Variants in KCNK2 observed in about 807,000 individuals in gnomAD.
The protein encoded by KCNK2 is potassium channel subfamily K member 2.
A neutral mutation model predicts 40.5 loss-of-function variants in KCNK2; 21 were observed. The ratio of observed to expected loss-of-function variants is 0.52; its 90% CI spans 0.37 to 0.75. The LOEUF is 0.75. Ranked by LOEUF, KCNK2 falls within the 30% of genes least tolerant of loss-of-function variation. KCNK2 has a pLI of 0.00. For synonymous variants in KCNK2, 191 were observed against 202.2 expected (o/e 0.94, Z 0.47); for missense variants, 399 against 531.6 (o/e 0.75, Z 2.45).
chr1:215,125,734 T>TAATA lies in KCNK2; in HGVS notation c.475+989_475+992dup, dbSNP rs1163576635. ...CACATGTACCCTAGAACTTGAAGTA[T>TAATA]AATAAATATATATATATATATATAT... On this transcript the variant is annotated intron_variant, in intron 3 of 6. Transcript: ENST00000444842. Among the ~76,000 whole-genome samples, 4 of 123,962 alleles carry TAATA rather than the reference T, an allele frequency of 3.2e-5. No individual in the cohort carries two copies. In the South Asian group the frequency reaches 1.2e-3, roughly 36 times the overall value. The allele number at this position is 123,962 out of a possible 152,430, so 81.3% of individuals were successfully genotyped here. A position where few individuals can be genotyped will look rare whatever the true frequency, so the allele number is the denominator to read the frequency against.
intron 6 of KCNK2, among the ~76,000 whole-genome samples, chr1:215,215,096 T>C (rs1665902320): frequency 6.6e-6 from 1 of 152,172 alleles, no homozygotes; most frequent in Admixed American, 6.5e-5. Flanking sequence ...AGAAACTTTG[T>C]TATGAACCTT....
intron 6 of KCNK2, among the ~76,000 whole-genome samples, chr1:215,204,037 C>CAAAAAAAAA (rs71167813): frequency 1.3e-4 from 7 of 53,186 alleles, no homozygotes; most frequent in Admixed American, 6.9e-4. Flanking sequence ...GACTCCGTCT[C>CAAAAAAAAA]AAAAAAAAAA....
intron 2 of KCNK2, among the ~76,000 whole-genome samples, chr1:215,108,740 A>G (rs957863186): frequency 6.8e-6 from 1 of 146,966 alleles, no homozygotes; most frequent in Non-Finnish European, 1.5e-5. Context: ...AACAGTCACT[A>G]ACAGAGGTCT....
intron 3 of KCNK2, among the ~76,000 whole-genome samples, chr1:215,133,366 T>C (rs1661758078): frequency 6.6e-6 from 1 of 152,188 alleles, no homozygotes; most frequent in East Asian, 1.9e-4. Context: ...ACCTATTTTT[T>C]CTTGTCATTC....
At chr1:215,179,750 TA>T (rs1664148129) in intron 5 of KCNK2, among the ~76,000 whole-genome samples, 1 of 152,164 alleles carries the variant, frequency 6.6e-6, no homozygotes, top group South Asian at 2.1e-4. Context: ...TTAATTTTTT[TA>T]AATTTATTGA....
chr1:215,225,141 T>C (rs1224898603), intron 6 of KCNK2, among the ~76,000 whole-genome samples: 3 of 152,182 alleles, frequency 2.0e-5, no homozygotes, highest in African/African-American at 7.2e-5. Context: ...CAACAGGTAA[T>C]TGCTAAAATC....
rs147595385 is a variant in KCNK2 at position 215,041,932 on chromosome 1, C to T, written c.34+35977C>T. Among the ~76,000 whole-genome samples the T allele has an allele frequency of 3.5e-3, 537 of 152,248 alleles. 7 individuals carry two copies. The highest frequency in any genetic ancestry group is 0.012 in the African/African-American group (518 of 41,532). On this transcript the variant is annotated intron_variant, in intron 1 of 6. Coordinates refer to the KCNK2 transcript ENST00000391895. ...CAGTTCCACATGGCCAGGAAGCCCT[C>T]ACAATCATGGCAAAAGGGGAAGGAG...
At chr1:215,168,502 ACCATGGAATACTATGCAG>A (rs1423770829) in intron 3 of KCNK2, among the ~76,000 whole-genome samples, 1 of 152,224 alleles carries the variant, frequency 6.6e-6, no homozygotes, top group African/African-American at 2.4e-5. Flanking sequence ...GTACATATAC[ACCATGGAATACTATGCAG>A]CCATAAAAAG....
intron 2 of KCNK2, among the ~76,000 whole-genome samples, chr1:215,117,740 G>A (rs1381289628): frequency 6.6e-6 from 1 of 152,038 alleles, no homozygotes; most frequent in Non-Finnish European, 1.5e-5. Context: ...TCCTTGTTCG[G>A]TTATTAAGGG....
intron 3 of KCNK2, among the ~76,000 whole-genome samples, chr1:215,150,345 CTG>C (rs1662631441): frequency 6.6e-6 from 1 of 152,060 alleles, no homozygotes; most frequent in Non-Finnish European, 1.5e-5. Flanking sequence ...TGTATTTTGC[CTG>C]TTGCTTGTTT....
At chr1:215,129,558 A>G (rs980879113) in intron 3 of KCNK2, among the ~76,000 whole-genome samples, 5 of 152,284 alleles carry the variant, frequency 3.3e-5, no homozygotes, top group Admixed American at 1.3e-4. Flanking sequence ...TGAACCCTGA[A>G]TGATGAAAAT....
rs1042633221 is a variant in KCNK2 at position 215,082,855 on chromosome 1, G to C, written c.-531G>C. ...CCCGCGGGGCACGGAGGGCATTGCG[G>C]GGGGAGACACACAAAGACATGCGAA... is the stretch of plus-strand genomic sequence containing the variant. On this transcript the variant is annotated 5_prime_UTR_variant, in exon 1 of 7. Coordinates refer to ENST00000444842, the MANE Select transcript of KCNK2 (RefSeq NM_001017425.3). Among the ~76,000 whole-genome samples, 1 of 151,978 alleles carries C rather than the reference G, an allele frequency of 6.6e-6. No individual in the cohort carries two copies. The highest frequency in any genetic ancestry group is 2.4e-5 in the African/African-American group (1 of 41,426).
intron 1 of KCNK2, among the ~76,000 whole-genome samples, chr1:215,033,746 C>G (rs981395651): frequency 2.6e-5 from 4 of 152,140 alleles, no homozygotes; most frequent in African/African-American, 9.7e-5. Flanking sequence ...CGATAAAACC[C>G]CAGCAGGTAG....
At chr1:215,131,960 G>A (rs1279679177) in intron 3 of KCNK2, among the ~76,000 whole-genome samples, 1 of 152,048 alleles carries the variant, frequency 6.6e-6, no homozygotes, top group African/African-American at 2.4e-5. Flanking sequence ...CAGACTTACT[G>A]CAAACTTGTA....
At chr1:215,107,720 G>T (rs1012144680) in intron 2 of KCNK2, among the ~76,000 whole-genome samples, 1 of 151,734 alleles carries the variant, frequency 6.6e-6, no homozygotes, top group Non-Finnish European at 1.5e-5. Flanking sequence ...AGTCATGTGT[G>T]TTCTATGTAT....
chr1:215,125,290 T>C (rs1179549270), intron 3 of KCNK2, among the ~76,000 whole-genome samples: 2 of 152,142 alleles, frequency 1.3e-5, no homozygotes, highest in East Asian at 1.9e-4. Flanking sequence ...GTAAGGATTA[T>C]AAAAAGTATG....
At chr1:215,201,346 T>C (rs901934532) in intron 6 of KCNK2, among the ~76,000 whole-genome samples, 2 of 152,220 alleles carry the variant, frequency 1.3e-5, no homozygotes, top group Admixed American at 6.5e-5. Flanking sequence ...GTTGTGCTCC[T>C]GATGCACCAC....
intron 3 of KCNK2, among the ~76,000 whole-genome samples, chr1:215,126,879 T>G (rs1020945918): frequency 1.3e-5 from 2 of 152,162 alleles, no homozygotes; most frequent in Non-Finnish European, 2.9e-5. Flanking sequence ...GACTTTTTAC[T>G]GCATGGTCTT....
chr1:215,126,700 G>GA (rs897479584), intron 3 of KCNK2, among the ~76,000 whole-genome samples: 15 of 151,706 alleles, frequency 9.9e-5, no homozygotes, highest in East Asian at 1.9e-4. Flanking sequence ...TTCAACACAT[G>GA]AAAAAAAATA....
Sources: gnomAD v4.1 joint callset for allele counts (sites outside exome capture counted in the v4.1 genomes callset) on GRCh38, gnomAD v4.1.1 for gene constraint, MANE v1.5 for transcripts, NCBI Gene and HGNC (gene_info 2026-07-23, HGNC 2026-07-21) for gene names.